MEP1B: variants seen among roughly 807,000 people sequenced by gnomAD.
MEP1B encodes N-benzoyl-L-tyrosyl-P-amino-benzoic acid hydrolase subunit beta.
In MEP1B, 80 loss-of-function variants were observed where a neutral mutation model predicts 84.6. The observed-to-expected ratio is 0.95, with a 90% CI of 0.79 to 1.14. MEP1B has a LOEUF of 1.14. MEP1B is among the 50% of genes most tolerant of loss of function. The probability of loss-of-function intolerance (pLI) is 0.00; values close to 1 mark genes in which losing one functional copy is unlikely to be tolerated. For missense variants in MEP1B, 766 were observed against 855.1 expected, an observed-to-expected ratio of 0.90 and a Z score of 1.30; for synonymous variants, 273 against 288.1, an observed-to-expected ratio of 0.95 and a Z score of 0.53.
Position 32,196,655 on chromosome 18 carries a change from T to G in MEP1B, c.250+1170T>G. The stretch of plus-strand genomic sequence containing the variant: ...GCCTGATGTTGTCCAGCACGCCACC[T>G]CGGGGTGTCTTCCCCAAGCACCAGC... On this transcript the variant is annotated intron_variant, in intron 5 of 14. Coordinates refer to ENST00000269202, the MANE Select transcript of MEP1B (RefSeq NM_005925.3). This position sits in a 1 kb window ranked among gnomAD's most constrained non-coding sequence, Gnocchi z 4.4. 1.5e-6 allele frequency: 1 copy of G among 678,056 alleles called. No individual in the cohort carries two copies. The highest frequency in any genetic ancestry group is 2.7e-6 in the Non-Finnish European group (1 of 370,572). 42.0% of individuals were successfully genotyped at this position (678,056 alleles called of 1,614,324 possible).
intron 12 of MEP1B, 111 bp downstream of exon 12, chr18:32,215,372 T>TATTATATA: frequency 1.7e-6 from 1 of 584,520 alleles, no homozygotes; most frequent in Non-Finnish European, 2.9e-6. Context: ...TATAGAGATG[T>TATTATATA]GGGGGGAATG....
chr18:32,202,696 G>A (rs936765868), intron 5 of MEP1B, among the ~76,000 whole-genome samples, 197 bp from the exon 6 acceptor site: 2 of 152,086 alleles, frequency 1.3e-5, no homozygotes, highest in African/African-American at 4.8e-5. Context: ...GCCAAATAAG[G>A]GATCTGAAGA....
chr18:32,201,726 T>G (rs951971913), intron 5 of MEP1B, among the ~76,000 whole-genome samples: 2 of 152,190 alleles, frequency 1.3e-5, no homozygotes. Flanking sequence ...ATATCAATTT[T>G]TAACTTATTT....
rs146727791 is a variant in MEP1B, at chr18:32,216,922, G to T, written c.1760-69G>T. On this transcript the variant is annotated intron_variant, in intron 12 of 14. Coordinates refer to ENST00000269202, the MANE Select transcript of MEP1B (RefSeq NM_005925.3). ...GAAAAAAGAAACATTAAAAGAAAATGAAAATTAAAGATCAAATGATTGTTA... is the reference window on the plus strand; with the variant it reads ...GAAAAAAGAAACATTAAAAGAAAATTAAAATTAAAGATCAAATGATTGTTA... 4.7e-4 allele frequency: 684 copies of T among 1,456,222 alleles called. 1 individual carries two copies. Among genetic ancestry groups the T allele is most frequent in the Middle Eastern group, 1.4e-3 (8 of 5,530 alleles). 90.2% of individuals were successfully genotyped at this position (1,456,222 alleles called of 1,614,324 possible).
At chr18:32,206,453 A>T in intron 7 of MEP1B, among the ~76,000 whole-genome samples, 1 of 146,424 alleles carries the variant, frequency 6.8e-6, no homozygotes. Flanking sequence ...TTTTTGAGAC[A>T]GAGTCTTACT....
At position 32,207,457 on chromosome 18, in the gene MEP1B, A is replaced by G; in HGVS notation, c.753A>G (p.Gln251=). The change falls in exon 8 of 15, where the codon CAA becomes CAG. Residue 251 remains glutamine, a synonymous_variant. Transcript: ENST00000269202. The stretch of plus-strand genomic sequence containing the variant: ...ACTCTGATCTCCTAAAGTTGAATCA[A>G]CTGTATAACTGCTGTATGTGACAGG... ...FSDSDLLKLN[Q]LYNCSSSLSF... The G allele has an allele frequency of 1.9e-6, 3 of 1,606,404 alleles. No homozygotes were observed. Among genetic ancestry groups the G allele is most frequent in the South Asian group, 1.1e-5 (1 of 90,200 alleles).
At position 32,204,350 on chromosome 18, in the gene MEP1B, A is replaced by G. The variant is rs947753174; in HGVS notation, c.537A>G (p.Arg179=). ...RDDYVRIMWD[R]ILSGREHNFN... is the part of the protein sequence containing the mutation. ...ACTATGTCAGGATAATGTGGGACAG[A>G]ATTCTGTCAGGTACATTTCTCTTTT... Residue 179 remains arginine (R), a synonymous_variant, in exon 7 of 15, where the codon AGA becomes AGG. Transcript: ENST00000269202. The G allele has an allele frequency of 2.8e-5, 45 of 1,590,614 alleles. No individual in the cohort carries two copies. The highest frequency in any genetic ancestry group is 3.7e-5 in the Non-Finnish European group (43 of 1,168,214).
chr18:32,194,566 T>C (rs1393772102), intron 4 of MEP1B, among the ~76,000 whole-genome samples: 1 of 152,042 alleles, frequency 6.6e-6, no homozygotes, highest in Admixed American at 6.6e-5. Flanking sequence ...ATCAGGCTAC[T>C]GGTCTCAACA....
chr18:32,194,044 C>G (rs1004260884), intron 4 of MEP1B, among the ~76,000 whole-genome samples: 2 of 152,116 alleles, frequency 1.3e-5, no homozygotes, highest in African/African-American at 4.8e-5. Context: ...TGTTCCTCCC[C>G]ACTCTCCTGT....
intron 12 of MEP1B, 75 bp from the exon 13 acceptor site, chr18:32,216,915 AG>A (rs2041096012): frequency 6.7e-7 from 1 of 1,488,492 alleles, no homozygotes. Flanking sequence ...AAACATTAAA[AG>A]AAAATGAAAA....
chr18:32,208,396 T>G, intron 9 of MEP1B, 125 bp downstream of exon 9: 5 of 995,914 alleles, frequency 5.0e-6, no homozygotes, highest in Non-Finnish European at 7.0e-6. Flanking sequence ...ATTAGGTTAC[T>G]ACTGAGAAGT....
intron 5 of MEP1B, among the ~76,000 whole-genome samples, chr18:32,200,471 G>A (rs1353798023): frequency 6.6e-6 from 1 of 151,978 alleles, no homozygotes; most frequent in Non-Finnish European, 1.5e-5. Flanking sequence ...AATTCAACTT[G>A]TTTTCTATGT....
In MEP1B at chr18:32,213,344, C is replaced by A; in HGVS notation, c.1364C>A (p.Ser455Tyr). ...NGTLYSPPFY[S>Y]SKGYAFQIYL... ...ACTCTGTATAGCCCTCCATTTTACT[C>A]TTCTAAAGGTTATGCCTTTCAGATT... is the stretch of plus-strand genomic sequence containing the variant. The change falls in exon 11 of 15, where the codon TCT becomes TAT. Residue 455 changes from serine (S) to tyrosine (Y), a missense_variant. By Grantham distance (144) the Ser-to-Tyr change is moderately radical. Transcript: ENST00000269202. The A allele has an allele frequency of 3.7e-6, 6 of 1,613,810 alleles. No individual in the cohort carries two copies. Among genetic ancestry groups the A allele is most frequent in the Non-Finnish European group, 5.1e-6 (6 of 1,179,778 alleles).
intron 7 of MEP1B, 31 bp from the exon 8 acceptor site, chr18:32,207,221 A>T: frequency 6.9e-7 from 1 of 1,452,062 alleles, no homozygotes; most frequent in Non-Finnish European, 9.6e-7. Flanking sequence ...TTTTGTGAAC[A>T]TCAAGTAAAG....
At chr18:32,211,814 A>G (rs2041030901) in intron 10 of MEP1B, among the ~76,000 whole-genome samples, 1 of 152,090 alleles carries the variant, frequency 6.6e-6, no homozygotes, top group Non-Finnish European at 1.5e-5. Context: ...CATGACTTGA[A>G]TGAATTGAGT....
chr18:32,193,595 A>G (rs1179550674), intron 4 of MEP1B, among the ~76,000 whole-genome samples: 1 of 152,206 alleles, frequency 6.6e-6, no homozygotes, highest in African/African-American at 2.4e-5. Flanking sequence ...TGAAAAAAAG[A>G]AAGAAGGCAA....
intron 5 of MEP1B, among the ~76,000 whole-genome samples, chr18:32,198,218 G>A (rs555440451): frequency 2.4e-4 from 36 of 152,288 alleles, no homozygotes; most frequent in African/African-American, 7.9e-4. Context: ...GTTGTACACC[G>A]TACAACTGAC....
chr18:32,220,224 C>A lies in MEP1B; in HGVS notation c.2092-7C>A. ...ATTAAATCATCAATTGTTCTTTCCC[C>A]TTTTAGCAGCATGCTTTTTGAAGAT... On this transcript the variant is annotated splice_polypyrimidine_tract_variant and splice_region_variant and intron_variant, in intron 14 of 14. Coordinates refer to ENST00000269202, the MANE Select transcript of MEP1B (RefSeq NM_005925.3). 1.2e-6 allele frequency: 2 copies of A among 1,606,062 alleles called. No individual in the cohort carries two copies. The highest frequency in any genetic ancestry group is 2.2e-5 in the East Asian group (1 of 44,760).
chr18:32,208,758 T>C (rs578012522), intron 9 of MEP1B, among the ~76,000 whole-genome samples: 4 of 152,234 alleles, frequency 2.6e-5, no homozygotes, highest in Non-Finnish European at 5.9e-5. Context: ...TTCATTTTGT[T>C]TTGCCTTAAG....
Sources: gnomAD v4.1 joint callset for allele counts (sites outside exome capture counted in the v4.1 genomes callset) on GRCh38, gnomAD v4.1.1 for gene constraint, Gnocchi (gnomAD v3.1) non-coding constraint, MANE v1.5 for transcripts, NCBI Gene and HGNC (gene_info 2026-07-23, HGNC 2026-07-21) for gene names.